Variants in DCC observed in about 807,000 individuals in gnomAD.
The protein encoded by DCC is DCC netrin 1 receptor.
A neutral mutation model predicts 172.5 loss-of-function variants in DCC; 58 were observed. That is an observed-to-expected ratio of 0.34 (90% CI 0.27 to 0.42). DCC has a LOEUF of 0.42. Among genes scored for constraint, DCC ranks in the 10% least tolerant of loss-of-function variants. DCC has a pLI of 1.00. For missense variants in DCC, 1,740 were observed against 1,791.0 expected (o/e 0.97, Z 0.51); for synonymous variants, 709 against 644.5 (o/e 1.10, Z -1.52).
At chr18:53,206,889 T>G (rs1474517771) in intron 10 of DCC, among the ~76,000 whole-genome samples, 1 of 151,822 alleles carries the variant, frequency 6.6e-6, no homozygotes, top group Non-Finnish European at 1.5e-5. Flanking sequence ...AAATAAGAAA[T>G]ATTTTATATT....
chr18:52,964,139 T>C (rs374862916), intron 5 of DCC, among the ~76,000 whole-genome samples: 2 of 152,236 alleles, frequency 1.3e-5, no homozygotes, highest in African/African-American at 4.8e-5. Flanking sequence ...GTTTCATCAA[T>C]AGTAAATTTC....
chr18:53,110,629 C>A (rs889895280), intron 7 of DCC, among the ~76,000 whole-genome samples: 1 of 150,336 alleles, frequency 6.7e-6, no homozygotes, highest in Admixed American at 6.7e-5. Flanking sequence ...ATTTATGCAG[C>A]CAAAAAACAC....
At chr18:53,255,039 A>G (rs2056487983) in intron 12 of DCC, among the ~76,000 whole-genome samples, 1 of 151,868 alleles carries the variant, frequency 6.6e-6, no homozygotes, top group South Asian at 2.1e-4. Context: ...ATTGGAAACA[A>G]TGAGTCAGCT....
At chr18:53,057,524 G>A (rs1457374185) in intron 5 of DCC, among the ~76,000 whole-genome samples, 1 of 152,024 alleles carries the variant, frequency 6.6e-6, no homozygotes, top group East Asian at 1.9e-4. Context: ...TACTTGCAAA[G>A]GTCCTAGGAA....
At chr18:53,398,400 C>T (rs1173454951) in intron 18 of DCC, among the ~76,000 whole-genome samples, 2 of 152,110 alleles carry the variant, frequency 1.3e-5, no homozygotes, top group Non-Finnish European at 2.9e-5. Flanking sequence ...TTAATTTTAA[C>T]ATCCTATTTT....
Position 53,381,837 on chromosome 18 carries a change from A to G in DCC, c.2360-4206A>G. Reference sequence around the variant, plus strand: ...ACAGGAATTTATTGTATTTATTTAAATTATCTGCCAACACTGAAAAATTTG... The same window carrying G: ...ACAGGAATTTATTGTATTTATTTAAGTTATCTGCCAACACTGAAAAATTTG... On this transcript the variant is annotated intron_variant, in intron 15 of 28. Coordinates refer to ENST00000442544, the MANE Select transcript of DCC (RefSeq NM_005215.4). 2.0e-5 allele frequency among the ~76,000 whole-genome samples: 3 copies of G among 152,074 alleles called. No homozygotes were observed. The South Asian group carries it at 6.2e-4, about 32-fold the overall frequency.
At chr18:52,536,575 C>T (rs2156126) in intron 1 of DCC, among the ~76,000 whole-genome samples, 43,912 of 151,752 alleles carry the variant, frequency 0.29, 7,328 homozygotes, top group Non-Finnish European at 0.39. Flanking sequence ...GAAGAGGTGG[C>T]CTCCATCCTA....
chr18:53,501,846 G>T (rs1280869174), intron 27 of DCC, among the ~76,000 whole-genome samples: 1 of 151,656 alleles, frequency 6.6e-6, no homozygotes, highest in African/African-American at 2.4e-5. Flanking sequence ...AAGAAGATTT[G>T]ATGATAGATG....
intron 12 of DCC, among the ~76,000 whole-genome samples, chr18:53,223,574 A>T (rs1162203220): frequency 6.6e-6 from 1 of 152,112 alleles, no homozygotes; most frequent in Admixed American, 6.6e-5. Flanking sequence ...AAGGTCTCTG[A>T]TTTTAATTTA....
chr18:53,134,998 G>C (rs996517840), intron 7 of DCC, among the ~76,000 whole-genome samples: 17 of 152,192 alleles, frequency 1.1e-4, no homozygotes, highest in Admixed American at 6.5e-5. Flanking sequence ...CAGTTGTCCT[G>C]TAGTTAGGCA....
intron 15 of DCC, among the ~76,000 whole-genome samples, chr18:53,372,520 A>C (rs2058069391): frequency 6.6e-6 from 1 of 152,022 alleles, no homozygotes; most frequent in Non-Finnish European, 1.5e-5. Flanking sequence ...TATGCTTATT[A>C]CCTGGTAATA....
chr18:53,167,497 TG>T (rs2054939842), intron 8 of DCC, among the ~76,000 whole-genome samples: 1 of 152,092 alleles, frequency 6.6e-6, no homozygotes, highest in African/African-American at 2.4e-5. Context: ...CCGAAATAAA[TG>T]GGGATGGAAC....
intron 5 of DCC, among the ~76,000 whole-genome samples, chr18:53,000,812 A>G (rs916558388): frequency 7.9e-5 from 12 of 151,742 alleles, no homozygotes; most frequent in Admixed American, 6.6e-4. Flanking sequence ...GTTAAGCACA[A>G]CCGGTATTAA....
At chr18:52,654,969 CT>C (rs2035217250) in intron 1 of DCC, among the ~76,000 whole-genome samples, 1 of 152,162 alleles carries the variant, frequency 6.6e-6, no homozygotes, top group South Asian at 2.1e-4. Flanking sequence ...TTTAAATCCT[CT>C]GTGCATTACT....
chr18:52,949,096 G>T (rs1451282926), intron 5 of DCC, among the ~76,000 whole-genome samples: 1 of 152,162 alleles, frequency 6.6e-6, no homozygotes, highest in Non-Finnish European at 1.5e-5. Context: ...TTCTTTATCT[G>T]TTAAACTGTG....
At chr18:52,888,833 G>A (rs925860055) in intron 2 of DCC, among the ~76,000 whole-genome samples, 19 of 151,372 alleles carry the variant, frequency 1.3e-4, no homozygotes, top group African/African-American at 4.6e-4. Flanking sequence ...AAAAATAGAG[G>A]GATATATGTA....
intron 9 of DCC, among the ~76,000 whole-genome samples, chr18:53,190,279 C>G (rs1387081794): frequency 6.6e-6 from 1 of 152,152 alleles, no homozygotes; most frequent in Non-Finnish European, 1.5e-5. Context: ...GTGCCATCAC[C>G]TTAAAATCTT....
At chr18:53,508,109 G>T (rs2046205164) in intron 27 of DCC, among the ~76,000 whole-genome samples, 1 of 151,886 alleles carries the variant, frequency 6.6e-6, no homozygotes, top group East Asian at 1.9e-4. Context: ...TAGCCAGGAT[G>T]GTCTCGATCT....
chr18:53,322,138 T>G lies in DCC; in HGVS notation c.2145T>G (p.Thr715=), dbSNP rs1370498924. Residue 715 remains threonine (T), a synonymous_variant, in exon 14 of 29, where the codon ACT becomes ACG. Transcript: ENST00000442544. The stretch of plus-strand genomic sequence containing the variant: ...CTTCCAACTGGTATACTGCAGAGAC[T>G]CCAGAGAATGATCTAGATGGTAAGA... ...GPPSNWYTAE[T]PENDLDESQV... is the part of the protein sequence containing the mutation. The G allele has an allele frequency of 6.4e-7, 1 of 1,555,940 alleles. No homozygotes were observed. Among genetic ancestry groups the G allele is most frequent in the Admixed American group, 1.7e-5 (1 of 59,954 alleles).
Sources: allele counts gnomAD v4.1 joint callset (sites outside exome capture counted in the v4.1 genomes callset), GRCh38; gene constraint gnomAD v4.1.1; transcripts MANE v1.5; gene names NCBI Gene and HGNC (gene_info 2026-07-23, HGNC 2026-07-21).